SYN3: variants seen among roughly 807,000 people sequenced by gnomAD.
SYN3 encodes synapsin-3.
Under a neutral mutation model 65.8 loss-of-function variants are expected in SYN3, and 35 were observed. That is an observed-to-expected ratio of 0.53 (90% CI 0.41 to 0.70). The LOEUF (loss-of-function observed/expected upper bound fraction) is 0.70. SYN3 is among the 30% of genes least tolerant of loss of function. SYN3 has a pLI of 0.00. For missense variants in SYN3, 680 were observed against 749.0 expected (o/e 0.91, Z 1.08); for synonymous variants, 270 against 292.9 (o/e 0.92, Z 0.80).
chr22:32,603,246 C>T lies in SYN3; in HGVS notation c.712-6510G>A, dbSNP rs780723662. 4.0e-5 allele frequency among the ~76,000 whole-genome samples: 6 copies of T among 151,794 alleles called. No homozygotes were observed. In the East Asian group the frequency reaches 1.2e-3, roughly 29 times the overall value. Reference sequence around the variant, plus strand: ...ACACAGCGCTGGCCGGGCGCGGTGGCTCATGCCTGTAATCCCAGCACTTTG... The same window carrying T: ...ACACAGCGCTGGCCGGGCGCGGTGGTTCATGCCTGTAATCCCAGCACTTTG... On this transcript the variant is annotated intron_variant, in intron 6 of 13. Transcript: ENST00000358763.
chr22:32,868,529 C>T (rs907265207), intron 5 of SYN3, among the ~76,000 whole-genome samples: 2 of 151,946 alleles, frequency 1.3e-5, no homozygotes, highest in African/African-American at 4.8e-5. Flanking sequence ...CAACCTCCGC[C>T]TCCCGGGTTC....
intron 6 of SYN3, among the ~76,000 whole-genome samples, chr22:32,754,731 G>C (rs2045242790): frequency 6.6e-6 from 1 of 152,190 alleles, no homozygotes; most frequent in East Asian, 1.9e-4. Context: ...TGATGCCTTT[G>C]CTCCTTCGGC....
chr22:32,900,152 G>A (rs2049717868), intron 4 of SYN3, among the ~76,000 whole-genome samples: 1 of 152,150 alleles, frequency 6.6e-6, no homozygotes, highest in Non-Finnish European at 1.5e-5. Context: ...TTCTGAGAGA[G>A]CGTGACCTTC....
chr22:32,757,254 G>A (rs937611700), intron 6 of SYN3, among the ~76,000 whole-genome samples: 2 of 151,082 alleles, frequency 1.3e-5, no homozygotes, highest in Non-Finnish European at 2.9e-5. Context: ...TATTAAACTG[G>A]AGTTAAGATT....
At chr22:32,955,483 T>G (rs776880650) in intron 3 of SYN3, among the ~76,000 whole-genome samples, 1 of 152,216 alleles carries the variant, frequency 6.6e-6, no homozygotes, top group African/African-American at 2.4e-5. Flanking sequence ...AAGGCCTTGA[T>G]GCACTTGCTT....
At chr22:32,632,559 C>A (rs777490637) in intron 6 of SYN3, among the ~76,000 whole-genome samples, 1 of 152,112 alleles carries the variant, frequency 6.6e-6, no homozygotes, top group Non-Finnish European at 1.5e-5. Context: ...GGGAGATGGG[C>A]CAGAGAATCT....
At chr22:32,909,952 G>A (rs5998653) in intron 4 of SYN3, among the ~76,000 whole-genome samples, 8,568 of 152,192 alleles carry the variant, frequency 0.056, 780 homozygotes, top group African/African-American at 0.19. Context: ...CGGAGACTGC[G>A]AGAAGGCGCG....
chr22:32,881,819 G>A (rs2049146223), intron 4 of SYN3, among the ~76,000 whole-genome samples: 2 of 152,182 alleles, frequency 1.3e-5, no homozygotes, highest in African/African-American at 4.8e-5. Context: ...ATTTTGGGAG[G>A]CCGAGTAGGG....
At chr22:32,632,371 T>G (rs545358589) in intron 6 of SYN3, among the ~76,000 whole-genome samples, 57 of 152,294 alleles carry the variant, frequency 3.7e-4, no homozygotes, top group Non-Finnish European at 6.9e-4. Context: ...TGATATTTAC[T>G]TGTATGGGAT....
At chr22:32,868,892 G>A in intron 5 of SYN3, 74 bp downstream of exon 5, 3 of 1,477,958 alleles carry the variant, frequency 2.0e-6, no homozygotes, top group Non-Finnish European at 2.8e-6. Context: ...ATGCTGGGGA[G>A]TGGGCTTGTC....
At chr22:32,744,106 TG>T (rs1233499881) in intron 6 of SYN3, among the ~76,000 whole-genome samples, 1 of 152,008 alleles carries the variant, frequency 6.6e-6, no homozygotes. Flanking sequence ...CTGTAGAGAG[TG>T]GCTTGTACAT....
intron 6 of SYN3, among the ~76,000 whole-genome samples, chr22:32,772,445 T>C (rs1814706494): frequency 6.6e-6 from 1 of 151,934 alleles, no homozygotes; most frequent in South Asian, 2.1e-4. Flanking sequence ...AGCTTCCTTG[T>C]CCTTCCAGAA....
intron 3 of SYN3, among the ~76,000 whole-genome samples, chr22:32,939,770 T>A (rs2050884263): frequency 6.6e-6 from 1 of 152,240 alleles, no homozygotes; most frequent in Admixed American, 6.5e-5. Flanking sequence ...GTAGACACTT[T>A]AACTATTTCT....
At chr22:32,892,065 C>T (rs555249925) in intron 4 of SYN3, among the ~76,000 whole-genome samples, 16 of 151,986 alleles carry the variant, frequency 1.1e-4, no homozygotes, top group Admixed American at 7.9e-4. Context: ...GAGACCGAGG[C>T]GGGCGGATCA....
At chr22:32,762,114 G>A (rs1038699024) in intron 6 of SYN3, among the ~76,000 whole-genome samples, 1 of 152,224 alleles carries the variant, frequency 6.6e-6, no homozygotes, top group East Asian at 1.9e-4. Context: ...AACCCTAAGT[G>A]CAAGAGAAGG....
chr22:32,834,328 T>A lies in SYN3; in HGVS notation c.711+30587A>T, dbSNP rs574852054. 3.7e-4 allele frequency among the ~76,000 whole-genome samples: 56 copies of A among 151,606 alleles called. 1 individual carries two copies. Among genetic ancestry groups the A allele is most frequent in the South Asian group, 2.5e-3 (12 of 4,784 alleles). The stretch of plus-strand genomic sequence containing the variant: ...CCACCACATCTGGCTAATTTATTTT[T>A]TTTTTTGTATTTTTAGTAGAAACGG... On this transcript the variant is annotated intron_variant, in intron 6 of 13. Transcript: ENST00000358763.
At chr22:32,584,414 G>C (rs527613726) in intron 7 of SYN3, among the ~76,000 whole-genome samples, 1 of 152,146 alleles carries the variant, frequency 6.6e-6, no homozygotes, top group African/African-American at 2.4e-5. Flanking sequence ...CCACCCCACC[G>C]GGTGATGTGT....
At chr22:32,661,701 C>T (rs2060219419) in intron 6 of SYN3, among the ~76,000 whole-genome samples, 4 of 152,246 alleles carry the variant, frequency 2.6e-5, no homozygotes, top group Admixed American at 2.0e-4. Context: ...TTCTCTTTCC[C>T]CCCACCTTTC....
chr22:32,728,721 CAGT>C (rs2147328501), intron 6 of SYN3, among the ~76,000 whole-genome samples: 1 of 152,314 alleles, frequency 6.6e-6, no homozygotes, highest in South Asian at 2.1e-4. Flanking sequence ...AACTGAGACT[CAGT>C]CTTGTTGGAG....
Sources: gnomAD v4.1 joint callset for allele counts (sites outside exome capture counted in the v4.1 genomes callset) on GRCh38, gnomAD v4.1.1 for gene constraint, MANE v1.5 for transcripts, NCBI Gene and HGNC (gene_info 2026-07-23, HGNC 2026-07-21) for gene names.